Variants in P3H2 observed in about 807,000 individuals in gnomAD.
The protein encoded by P3H2 is leprecan-like 1.
In P3H2, 80 loss-of-function variants were observed where a neutral mutation model predicts 87.0. That is an observed-to-expected ratio of 0.92 (90% CI 0.77 to 1.11). The LOEUF (loss-of-function observed/expected upper bound fraction) is 1.11, where lower values mean the gene tolerates loss of function less well. P3H2 is among the 50% of genes least tolerant of loss of function. The pLI is 0.00. For missense variants in P3H2, 1,001 were observed against 923.9 expected, an observed-to-expected ratio of 1.08 and a Z score of -1.08; for synonymous variants, 367 against 359.3, an observed-to-expected ratio of 1.02 and a Z score of -0.24.
At chr3:190,088,346 T>G (rs1345392084) in intron 1 of P3H2, among the ~76,000 whole-genome samples, 1 of 152,202 alleles carries the variant, frequency 6.6e-6, no homozygotes, top group Non-Finnish European at 1.5e-5. Flanking sequence ...TTCTTAGATG[T>G]CTAGGGAGAG....
chr3:189,984,577 C>G lies in P3H2; in HGVS notation c.1202G>C (p.Arg401Thr), dbSNP rs780583614. 6.2e-7 allele frequency: 1 copy of G among 1,607,286 alleles called. No individual in the cohort carries two copies. The highest frequency in any genetic ancestry group is 8.5e-7 in the Non-Finnish European group (1 of 1,177,580). The change falls in exon 7 of 15, where the codon AGA becomes ACA. Residue 401 changes from arginine (R) to threonine (T), a missense_variant. Transcript: ENST00000319332. ...FSYTEPNYWI[R>T]YGGRQDENRV... ...ATTCTCATCCTGTCGTCCTCCATAT[C>G]TGATCCAATAATTCTGTTTTGAATC... is the stretch of plus-strand genomic sequence containing the variant.
chr3:190,055,450 C>T (rs1197863743), intron 1 of P3H2, among the ~76,000 whole-genome samples: 1 of 150,304 alleles, frequency 6.7e-6, no homozygotes, highest in Admixed American at 6.6e-5. Flanking sequence ...GATTTAAATT[C>T]ATTATAACAA....
chr3:190,087,537 A>C (rs112188796), intron 1 of P3H2, among the ~76,000 whole-genome samples: 15,069 of 134,094 alleles, frequency 0.11, 1,843 homozygotes, highest in African/African-American at 0.33. Flanking sequence ...GAGCAAGACT[A>C]CATCTCAAAA....
At chr3:190,007,809 A>AT (rs63040660) in intron 1 of P3H2, among the ~76,000 whole-genome samples, 42,332 of 143,734 alleles carry the variant, frequency 0.29, 6,261 homozygotes, top group East Asian at 0.48. Flanking sequence ...CAGCGTTCAG[A>AT]TTTTTTTTTT....
rs779371732 is a variant in P3H2, at chr3:189,994,229, T to A, written c.688A>T (p.Ile230Phe). The change falls in exon 3 of 15, where the codon ATC (isoleucine) becomes TTC (phenylalanine). Residue 230 changes from isoleucine to phenylalanine, a missense_variant. By Grantham distance (21) the Ile-to-Phe change is conservative (BLOSUM62 0). Transcript: ENST00000319332. ...CTTAAGGCTTGTTCGAAGTGCCTGA[T>A]AGCCATCTCAAAGTCATCAGCCTCA... ...HYEADDFEMA[I>F]RHFEQALREY... 2 of 1,613,874 alleles carry A rather than the reference T, an allele frequency of 1.2e-6. No individual in the cohort carries two copies. The highest frequency in any genetic ancestry group is 3.3e-5 in the Admixed American group (2 of 60,004).
intron 1 of P3H2, among the ~76,000 whole-genome samples, chr3:190,085,649 C>T (rs191417834): frequency 3.9e-4 from 60 of 152,128 alleles, no homozygotes; most frequent in African/African-American, 1.4e-3. Flanking sequence ...CTACTTCTAA[C>T]CCTTTGTTTG....
intron 1 of P3H2, among the ~76,000 whole-genome samples, chr3:189,997,078 A>T (rs978454039): frequency 6.6e-6 from 1 of 152,134 alleles, no homozygotes; most frequent in Non-Finnish European, 1.5e-5. Flanking sequence ...CTGGAGTGCA[A>T]TGGCGCGATC....
intron 1 of P3H2, among the ~76,000 whole-genome samples, chr3:190,023,253 C>T (rs1405203922): frequency 2.0e-5 from 3 of 152,104 alleles, no homozygotes; most frequent in Non-Finnish European, 4.4e-5. Context: ...ACTCAATTGC[C>T]GTTTTGGGAA....
rs1167164165 is a variant in P3H2 at position 189,994,194 on chromosome 3, G to A, written c.723C>T (p.Phe241=). ...RHFEQALREY[F]VEDTECRTLC... is the part of the protein sequence containing the mutation. ...GGGTCCGGCATTCTGTATCTTCAACGAAATATTCTCTTAAGGCTTGTTCGA... is the reference window on the plus strand; with the variant it reads ...GGGTCCGGCATTCTGTATCTTCAACAAAATATTCTCTTAAGGCTTGTTCGA... The change falls in exon 3 of 15, where the codon TTC becomes TTT. Residue 241 remains phenylalanine (F), a synonymous_variant. Coordinates refer to ENST00000319332, the MANE Select transcript of P3H2 (RefSeq NM_018192.4). The A allele has an allele frequency of 4.3e-6, 7 of 1,613,380 alleles. No individual in the cohort carries two copies. In the East Asian group the frequency reaches 1.1e-4, roughly 26 times the overall value.
intron 1 of P3H2, among the ~76,000 whole-genome samples, chr3:190,024,501 C>T (rs1176453474): frequency 7.5e-6 from 1 of 133,648 alleles, no homozygotes; most frequent in Admixed American, 8.4e-5. Flanking sequence ...CAAGATATTG[C>T]CACTGGGCAA....
chr3:190,081,571 G>A (rs911615463), intron 1 of P3H2, among the ~76,000 whole-genome samples: 12 of 152,152 alleles, frequency 7.9e-5, no homozygotes, highest in African/African-American at 2.2e-4. Flanking sequence ...ATCTAGTGTC[G>A]CCACTTTCTC....
At chr3:190,038,265 A>G (rs1725487871) in intron 1 of P3H2, among the ~76,000 whole-genome samples, 1 of 151,590 alleles carries the variant, frequency 6.6e-6, no homozygotes. Flanking sequence ...AACTGTCACA[A>G]ACAAGGAAAC....
At chr3:190,084,832 C>T (rs1477264266) in intron 1 of P3H2, among the ~76,000 whole-genome samples, 1 of 151,976 alleles carries the variant, frequency 6.6e-6, no homozygotes, top group East Asian at 1.9e-4. Flanking sequence ...GTGGAACAGA[C>T]TTAATACCTC....
intron 1 of P3H2, among the ~76,000 whole-genome samples, chr3:190,065,201 A>AT (rs1487884159): frequency 2.6e-5 from 4 of 152,150 alleles, no homozygotes; most frequent in African/African-American, 9.7e-5. Context: ...AAGTGAGACA[A>AT]TATTGTTCAG....
At chr3:190,087,826 G>T (rs993212143) in intron 1 of P3H2, among the ~76,000 whole-genome samples, 8 of 152,116 alleles carry the variant, frequency 5.3e-5, no homozygotes, top group Non-Finnish European at 1.2e-4. Context: ...AATTGTTCTG[G>T]CTTACTGTAA....
In P3H2 at chr3:189,971,893, T is replaced by C. The variant is rs771370088; in HGVS notation, c.1814A>G (p.Tyr605Cys). ...KEPPAYTFRD[Y>C]SALLYMNDDF... ...TTGAAGCAGGTTCTAGCTATACCTA[T>C]AGTCTCGAAATGTGTAAGCAGGAGG... The change falls in exon 12 of 15, where the codon TAT (tyrosine) becomes TGT (cysteine). Residue 605 changes from tyrosine to cysteine, a missense_variant. Transcript: ENST00000319332. 8.9e-6 allele frequency: 14 copies of C among 1,578,430 alleles called. No individual in the cohort carries two copies. The highest frequency in any genetic ancestry group is 1.1e-5 in the South Asian group (1 of 90,392).
intron 1 of P3H2, among the ~76,000 whole-genome samples, chr3:190,082,655 A>C (rs190179175): frequency 3.7e-4 from 57 of 152,336 alleles, no homozygotes; most frequent in African/African-American, 1.3e-3. Context: ...GAATACTGAA[A>C]TTTATTCCCT....
At chr3:190,119,030 G>A (rs565834854) in intron 1 of P3H2, among the ~76,000 whole-genome samples, 43 of 151,328 alleles carry the variant, frequency 2.8e-4, no homozygotes, top group Admixed American at 2.7e-3. Flanking sequence ...GTTTGAGCCC[G>A]GGAGGCGGAG....
At chr3:190,076,505 C>G (rs764908069) in intron 1 of P3H2, among the ~76,000 whole-genome samples, 2 of 152,206 alleles carry the variant, frequency 1.3e-5, no homozygotes, top group Admixed American at 6.5e-5. Flanking sequence ...TGCCTGCTCA[C>G]TCATTCACAT....
Sources: gnomAD v4.1 joint callset for allele counts (sites outside exome capture counted in the v4.1 genomes callset) on GRCh38, gnomAD v4.1.1 for gene constraint, MANE v1.5 for transcripts, NCBI Gene and HGNC (gene_info 2026-07-23, HGNC 2026-07-21) for gene names.